RGS6: variants seen among roughly 807,000 people sequenced by gnomAD.
RGS6 encodes the protein regulator of G-protein signaling 6.
In RGS6, 30 loss-of-function variants were observed where a neutral mutation model predicts 78.5. The observed-to-expected ratio is 0.38, with a 90% confidence interval of 0.29 to 0.52. RGS6 has a LOEUF of 0.52. RGS6 is among the 20% of genes least tolerant of loss of function. The pLI is 0.85. For missense variants in RGS6, 495 were observed against 609.7 expected, an observed-to-expected ratio of 0.81 and a Z score of 1.98; for synonymous variants, 206 against 206.0, an observed-to-expected ratio of 1.00 and a Z score of 0.00.
At chr14:72,374,560 C>T (rs1334824943) in intron 3 of RGS6, among the ~76,000 whole-genome samples, 2 of 152,180 alleles carry the variant, frequency 1.3e-5, no homozygotes, top group African/African-American at 4.8e-5. Context: ...CTGCCCCCAG[C>T]TACCAGGAAG....
chr14:72,536,236 G>C lies in RGS6; in HGVS notation c.1329G>C (p.Arg443=). Residue 443 remains arginine (R), a synonymous_variant, in exon 16 of 18, where the codon CGG becomes CGC. Transcript: ENST00000553525. ...GTGACAGCTATGCCCGCTTCCTCCG[G>C]TCAAATGCTTACCAGGATTTGCTGC... ...MKSDSYARFL[R]SNAYQDLLLA... 1.2e-6 allele frequency: 2 copies of C among 1,613,910 alleles called. No individual in the cohort carries two copies. Among genetic ancestry groups the C allele is most frequent in the Non-Finnish European group, 1.7e-6 (2 of 1,179,884 alleles).
At position 71,977,756 on chromosome 14, in the gene RGS6, G is replaced by C. The variant is rs975374634; in HGVS notation, c.84+12881G>C. Among the ~76,000 whole-genome samples, 5 of 151,612 alleles carry C rather than the reference G, an allele frequency of 3.3e-5. No homozygotes were observed. The East Asian group carries it at 9.7e-4, about 30-fold the overall frequency. On this transcript the variant is annotated intron_variant, in intron 2 of 17. Coordinates refer to ENST00000553525, the MANE Select transcript of RGS6 (RefSeq NM_001204424.2). ...GCCTTGGCGATGCGGGCTCTTTTTTGGTTCCATATGAACTTTAAAGTAGTT... is the reference window on the plus strand; with the variant it reads ...GCCTTGGCGATGCGGGCTCTTTTTTCGTTCCATATGAACTTTAAAGTAGTT...
chr14:72,494,265 T>C (rs561691576), intron 12 of RGS6, among the ~76,000 whole-genome samples: 1 of 152,354 alleles, frequency 6.6e-6, no homozygotes, highest in East Asian at 1.9e-4. Flanking sequence ...AATGTTACAC[T>C]GACCATTGAT....
chr14:72,425,817 T>C (rs1225059663), intron 3 of RGS6, among the ~76,000 whole-genome samples: 1 of 152,150 alleles, frequency 6.6e-6, no homozygotes, highest in Non-Finnish European at 1.5e-5. Flanking sequence ...ATAGGAGGCA[T>C]AAAAAGTTTC....
chr14:72,248,263 G>T (rs1223716191), intron 2 of RGS6, among the ~76,000 whole-genome samples: 1 of 152,154 alleles, frequency 6.6e-6, no homozygotes, highest in Non-Finnish European at 1.5e-5. Flanking sequence ...TAGATTTAGC[G>T]TGGAAGCAGA....
chr14:72,417,648 T>G (rs1030641844), intron 3 of RGS6, among the ~76,000 whole-genome samples: 1 of 152,232 alleles, frequency 6.6e-6, no homozygotes, highest in Non-Finnish European at 1.5e-5. Flanking sequence ...CAGATGACCT[T>G]GGGCTCATTA....
chr14:72,547,238 G>A (rs938296547), intron 17 of RGS6: 1 of 1,535,662 alleles, frequency 6.5e-7, no homozygotes, highest in Non-Finnish European at 8.7e-7. Flanking sequence ...AATGGCAGGA[G>A]TCTGGCAAGG....
intron 2 of RGS6, among the ~76,000 whole-genome samples, chr14:72,258,971 A>C (rs2057606750): frequency 6.6e-6 from 1 of 152,146 alleles, no homozygotes; most frequent in African/African-American, 2.4e-5. Flanking sequence ...TTCTTTAATC[A>C]TGGTGTCTAC....
intron 2 of RGS6, among the ~76,000 whole-genome samples, chr14:72,294,632 G>A (rs762344200): frequency 6.6e-5 from 10 of 152,148 alleles, no homozygotes; most frequent in Non-Finnish European, 1.2e-4. Flanking sequence ...GGCTTCTGGG[G>A]AGGCCTTGGG....
At chr14:71,918,180 GTC>G in the RGS6 span, among the ~76,000 whole-genome samples, 1 of 51,322 alleles carries the variant, frequency 1.9e-5, no homozygotes, top group Non-Finnish European at 3.5e-5. Flanking sequence ...CAAGACTCCA[GTC>G]TCAAAAAAAA....
chr14:72,259,356 C>G (rs529690169), intron 2 of RGS6, among the ~76,000 whole-genome samples: 34 of 152,146 alleles, frequency 2.2e-4, no homozygotes, highest in Non-Finnish European at 4.3e-4. Flanking sequence ...TTGCCACAGT[C>G]TCCACCATTC....
At chr14:72,589,702 T>C in the RGS6 span, among the ~76,000 whole-genome samples, 1 of 152,238 alleles carries the variant, frequency 6.6e-6, no homozygotes, top group African/African-American at 2.4e-5. Flanking sequence ...TGAAAGGATA[T>C]GCATTATTAG....
chr14:72,182,538 C>G (rs1363484352), intron 2 of RGS6, among the ~76,000 whole-genome samples: 1 of 152,046 alleles, frequency 6.6e-6, no homozygotes, highest in Non-Finnish European at 1.5e-5. Context: ...TAGTGCAACC[C>G]AATAGCACCA....
intron 3 of RGS6, among the ~76,000 whole-genome samples, chr14:72,436,729 A>G (rs1470976369): frequency 6.6e-6 from 1 of 152,240 alleles, no homozygotes; most frequent in Non-Finnish European, 1.5e-5. Context: ...TATTAATATC[A>G]GAAGTCAGAG....
intron 2 of RGS6, among the ~76,000 whole-genome samples, chr14:72,173,428 T>C (rs1217414615): frequency 1.3e-5 from 2 of 152,208 alleles, no homozygotes; most frequent in African/African-American, 2.4e-5. Context: ...TGAGAGCCTA[T>C]GCTGTGGCCA....
At chr14:72,508,593 T>TTTTTA (rs2096840323) in intron 13 of RGS6, among the ~76,000 whole-genome samples, 2 of 120,702 alleles carry the variant, frequency 1.7e-5, no homozygotes, top group African/African-American at 3.4e-5. Flanking sequence ...TTTTTTTTTT[T>TTTTTA]ACTAAGTGGA....
At chr14:72,337,336 C>T (rs551183993) in intron 2 of RGS6, among the ~76,000 whole-genome samples, 3 of 151,744 alleles carry the variant, frequency 2.0e-5, no homozygotes, top group South Asian at 2.1e-4. Flanking sequence ...TATTATGGTC[C>T]GTGTTTCCAA....
chr14:72,076,944 G>A (rs897821873), intron 2 of RGS6, among the ~76,000 whole-genome samples: 1 of 142,932 alleles, frequency 7.0e-6, no homozygotes. Context: ...TACATATACA[G>A]CCAAATTTTA....
chr14:72,537,442 CTG>C (rs2097265347), intron 16 of RGS6: 3 of 702,050 alleles, frequency 4.3e-6, no homozygotes, highest in Non-Finnish European at 7.8e-6. Flanking sequence ...GCCATGGAGT[CTG>C]AGAAAGGAAA....
Sources: gnomAD v4.1 joint callset for allele counts (sites outside exome capture counted in the v4.1 genomes callset) on GRCh38, gnomAD v4.1.1 for gene constraint, MANE v1.5 for transcripts, NCBI Gene and HGNC (gene_info 2026-07-23, HGNC 2026-07-21) for gene names.